The following PLAT variants were observed in gnomAD, a reference collection of about 807,000 sequenced individuals.
PLAT encodes the protein plasminogen activator, tissue type.
Under a neutral mutation model 74.9 loss-of-function variants are expected in PLAT, and 48 were observed. The observed-to-expected ratio is 0.64, with a 90% CI of 0.51 to 0.82. The LOEUF (loss-of-function observed/expected upper bound fraction) is 0.82. Ranked by LOEUF, PLAT falls within the 40% of genes least tolerant of loss-of-function variation. PLAT has a pLI of 0.00. For synonymous variants in PLAT, 307 were observed against 294.4 expected (o/e 1.04, Z -0.44); for missense variants, 673 against 736.2 (o/e 0.91, Z 0.99).
Position 42,181,506 on chromosome 8 carries a change from G to A in PLAT, c.889+431C>T, listed in dbSNP as rs557168090. On this transcript the variant is annotated intron_variant, in intron 9 of 13. Coordinates refer to ENST00000220809, the MANE Select transcript of PLAT (RefSeq NM_000930.5). ...AGCGAGCTTGGGCAGGCCACCTGGC[G>A]TCTGGGAGACTGCTTCCTACTCAGT... 3.4e-3 allele frequency among the ~76,000 whole-genome samples: 517 copies of A among 152,280 alleles called. 4 individuals carry two copies. Among genetic ancestry groups the A allele is most frequent in the African/African-American group, 0.012 (482 of 41,560 alleles).
chr8:42,199,647 T>C (rs1353408447), intron 1 of PLAT, among the ~76,000 whole-genome samples: 3 of 151,858 alleles, frequency 2.0e-5, no homozygotes, highest in Non-Finnish European at 4.4e-5. Context: ...TTTGGAGGAG[T>C]GGGGAATTTT....
At chr8:42,206,823 T>C (rs1204041966) in intron 1 of PLAT, 1 of 152,230 alleles carries the variant, frequency 6.6e-6, no homozygotes, top group Non-Finnish European at 1.5e-5. Flanking sequence ...TAAAATGTCC[T>C]TTAAGGAGGA....
chr8:42,196,153 G>T (rs1257061721), intron 1 of PLAT, among the ~76,000 whole-genome samples: 1 of 152,208 alleles, frequency 6.6e-6, no homozygotes, highest in African/African-American at 2.4e-5. Flanking sequence ...ATAACTAGGG[G>T]TGGGGGGACC....
At chr8:42,176,888 A>C (rs930385913) in intron 13 of PLAT, among the ~76,000 whole-genome samples, 2 of 150,906 alleles carry the variant, frequency 1.3e-5, no homozygotes, top group African/African-American at 5.0e-5. Context: ...GAATGTTAGA[A>C]GTGTTTTGGG....
chr8:42,189,686 C>A (rs542777518), intron 3 of PLAT, among the ~76,000 whole-genome samples: 5 of 151,314 alleles, frequency 3.3e-5, no homozygotes, highest in Admixed American at 1.3e-4. Flanking sequence ...GCAACCTCCA[C>A]CTCCTGGGTT....
intron 1 of PLAT, among the ~76,000 whole-genome samples, chr8:42,194,241 A>AGAGAGAGTGTGTGTGTGTGTGTGT (rs1419569830): frequency 1.9e-5 from 1 of 52,544 alleles, no homozygotes; most frequent in African/African-American, 6.7e-5. Context: ...AGAGAGAGAG[A>AGAGAGAGTGTGTGTGTGTGTGTGT]GTGTGTGTGT....
rs537030923 is a variant in PLAT, at chr8:42,204,657, G to A, written c.-27+2837C>T. ...TTGAACCTGGGAGGTGGAGGTTGCAGTGAGCCAAGATTGTGCCACTGCACC... is the reference window on the plus strand; with the variant it reads ...TTGAACCTGGGAGGTGGAGGTTGCAATGAGCCAAGATTGTGCCACTGCACC... On this transcript the variant is annotated intron_variant, in intron 1 of 13. Coordinates refer to ENST00000220809, the MANE Select transcript of PLAT (RefSeq NM_000930.5). Among the ~76,000 whole-genome samples the A allele has an allele frequency of 4.4e-3, 662 of 150,530 alleles. 17 individuals are homozygous for A. Among genetic ancestry groups the A allele is most frequent in the Non-Finnish European group, 8.3e-4 (56 of 67,846 alleles).
intron 5 of PLAT, 86 bp from the exon 6 acceptor site, chr8:42,187,658 C>G: frequency 7.6e-7 from 1 of 1,316,032 alleles, no homozygotes; most frequent in Non-Finnish European, 1.0e-6. Flanking sequence ...CCCCGTCCTC[C>G]CCCAGGCCTG....
At chr8:42,204,745 C>T (rs992913643) in intron 1 of PLAT, among the ~76,000 whole-genome samples, 1 of 148,462 alleles carries the variant, frequency 6.7e-6, no homozygotes, top group South Asian at 2.2e-4. Flanking sequence ...AAAAATTGGC[C>T]GGGCATGGTG....
At chr8:42,205,017 G>A (rs957237729) in intron 1 of PLAT, among the ~76,000 whole-genome samples, 12 of 152,082 alleles carry the variant, frequency 7.9e-5, no homozygotes, top group Admixed American at 6.6e-4. Context: ...TACATAAGAC[G>A]GCTACAAAGA....
chr8:42,203,986 T>TAC (rs1395910660), intron 1 of PLAT, among the ~76,000 whole-genome samples: 13 of 120,070 alleles, frequency 1.1e-4, no homozygotes, highest in African/African-American at 5.6e-4. Flanking sequence ...TATATATATA[T>TAC]ATATATACAC....
At chr8:42,187,710 G>T in intron 5 of PLAT, 138 bp from the exon 6 acceptor site, 1 of 870,962 alleles carries the variant, frequency 1.1e-6, no homozygotes, top group Non-Finnish European at 1.7e-6. Flanking sequence ...TGGCAAGGGT[G>T]CCAGCCTGGA....
In PLAT at chr8:42,191,361, C is replaced by T; in HGVS notation, c.115+11G>A. The T allele has an allele frequency of 7.4e-6, 12 of 1,613,752 alleles. No individual in the cohort carries two copies. The highest frequency in any genetic ancestry group is 1.0e-5 in the Non-Finnish European group (12 of 1,179,610). On this transcript the variant is annotated intron_variant, in intron 3 of 13. Transcript: ENST00000220809. Reference sequence around the variant, plus strand: ...CCTGATGACCCCATGCACCCCTCAGCTTCACCCGACCTTGGTAAGATCTGG... The same window carrying T: ...CCTGATGACCCCATGCACCCCTCAGTTTCACCCGACCTTGGTAAGATCTGG...
chr8:42,193,555 T>G, intron 1 of PLAT: 1 of 211,064 alleles, frequency 4.7e-6, no homozygotes, highest in South Asian at 8.6e-5. Context: ...TAACTCCCCA[T>G]TCCCCTTTTC....
intron 7 of PLAT, among the ~76,000 whole-genome samples, chr8:42,183,822 A>G (rs571220985): frequency 4.9e-4 from 74 of 152,234 alleles, no homozygotes; most frequent in African/African-American, 1.7e-3. Flanking sequence ...AAGTCTTCAG[A>G]GTCACAGGCA....
intron 4 of PLAT, chr8:42,188,309 G>A: frequency 3.0e-6 from 1 of 329,370 alleles, no homozygotes; most frequent in Non-Finnish European, 5.5e-6. Context: ...TGCTCTATGT[G>A]CCAGGCGCTG....
chr8:42,198,261 T>C (rs932441766), intron 1 of PLAT, among the ~76,000 whole-genome samples: 2 of 152,186 alleles, frequency 1.3e-5, no homozygotes, highest in Non-Finnish European at 2.9e-5. Flanking sequence ...AGGCCAAGGC[T>C]GGCAGATCTC....
rs1804900809 is a variant in PLAT at position 42,174,803 on chromosome 8, A to G, written c.*1190T>C. ...GCCTATGTTCCTCTTCCTGAAGTTC[A>G]CTTCAGACAAGCTCAACTCATTTCT... On this transcript the variant is annotated 3_prime_UTR_variant, in exon 14 of 14. Coordinates refer to ENST00000220809, the MANE Select transcript of PLAT (RefSeq NM_000930.5). 6.6e-6 allele frequency among the ~76,000 whole-genome samples: 1 copy of G among 151,944 alleles called. No homozygotes were observed. Among genetic ancestry groups the G allele is most frequent in the African/African-American group, 2.4e-5 (1 of 41,348 alleles).
intron 1 of PLAT, among the ~76,000 whole-genome samples, chr8:42,202,532 A>G (rs934150695): frequency 1.0e-4 from 15 of 143,134 alleles, no homozygotes; most frequent in South Asian, 9.6e-4. Context: ...AAGCACCCAC[A>G]TGAGCTGCTT....
Sources: allele counts gnomAD v4.1 joint callset (sites outside exome capture counted in the v4.1 genomes callset), GRCh38; gene constraint gnomAD v4.1.1; transcripts MANE v1.5; gene names NCBI Gene and HGNC (gene_info 2026-07-23, HGNC 2026-07-21).